Variants in MARCHF7 observed in about 807,000 individuals in gnomAD.
MARCHF7 encodes the protein E3 ubiquitin-protein ligase MARCHF7.
MARCHF7 carries 20 observed loss-of-function variants against 76.5 expected under a neutral mutation model. That is an observed-to-expected ratio of 0.26 (90% CI 0.18 to 0.38). The LOEUF (loss-of-function observed/expected upper bound fraction) is 0.38. MARCHF7 is among the 10% of genes least tolerant of loss of function. The pLI, the probability that MARCHF7 is intolerant of heterozygous loss-of-function variation, is 1.00. For missense variants in MARCHF7, 797 were observed against 812.9 expected, an observed-to-expected ratio of 0.98 and a Z score of 0.24; for synonymous variants, 295 against 293.0, an observed-to-expected ratio of 1.01 and a Z score of -0.07.
chr2:159,725,704 T>C (rs1343473281), intron 3 of MARCHF7, among the ~76,000 whole-genome samples: 1 of 152,212 alleles, frequency 6.6e-6, no homozygotes, highest in African/African-American at 2.4e-5. Flanking sequence ...TCTTAAAGTT[T>C]TGTTTTTATT....
chr2:159,735,317 A>T (rs528812502), intron 4 of MARCHF7, among the ~76,000 whole-genome samples: 80 of 152,366 alleles, frequency 5.3e-4, no homozygotes, highest in Non-Finnish European at 8.7e-4. Context: ...GCCAGTGGAT[A>T]ACATTGATGT....
intron 4 of MARCHF7, among the ~76,000 whole-genome samples, chr2:159,730,889 G>T (rs1702705490): frequency 6.6e-6 from 1 of 150,786 alleles, no homozygotes; most frequent in Non-Finnish European, 1.5e-5. Context: ...GTTTTTGATT[G>T]TTTGTTTGTT....
chr2:159,752,764 T>C (rs915562138), intron 8 of MARCHF7, among the ~76,000 whole-genome samples, 193 bp downstream of exon 8: 3 of 152,252 alleles, frequency 2.0e-5, no homozygotes, highest in African/African-American at 7.2e-5. Context: ...TTATGTTTCA[T>C]TTCCTACCAA....
At chr2:159,721,594 C>A (rs1202003971) in intron 3 of MARCHF7, among the ~76,000 whole-genome samples, 30 of 152,176 alleles carry the variant, frequency 2.0e-4, no homozygotes, top group Non-Finnish European at 2.9e-5. Context: ...AAATACCAAT[C>A]GTACGATTTT....
chr2:159,730,122 C>G (rs1401930936), intron 4 of MARCHF7, among the ~76,000 whole-genome samples: 2 of 152,146 alleles, frequency 1.3e-5, no homozygotes, highest in African/African-American at 4.8e-5. Flanking sequence ...AGACTGGTCT[C>G]AAACTCTGGC....
At chr2:159,746,739 C>G (rs917555193) in intron 6 of MARCHF7, among the ~76,000 whole-genome samples, 1 of 152,080 alleles carries the variant, frequency 6.6e-6, no homozygotes, top group African/African-American at 2.4e-5. Context: ...AACTATCATA[C>G]TAAGTAACTG....
intron 2 of MARCHF7, among the ~76,000 whole-genome samples, chr2:159,715,274 C>T (rs1201786695): frequency 7.5e-6 from 1 of 133,220 alleles, no homozygotes; most frequent in Non-Finnish European, 1.7e-5. Context: ...AAAAATTTAT[C>T]TTAATATACA....
At chr2:159,726,264 GTTTTGT>G (rs1702158259) in intron 3 of MARCHF7, among the ~76,000 whole-genome samples, 1 of 81,728 alleles carries the variant, frequency 1.2e-5, no homozygotes, top group Non-Finnish European at 2.6e-5. Context: ...GTTTTGTTTT[GTTTTGT>G]TTTGTTTTTT....
At chr2:159,726,229 GTTTT>G (rs1702152146) in intron 3 of MARCHF7, among the ~76,000 whole-genome samples, 1 of 25,722 alleles carries the variant, frequency 3.9e-5, no homozygotes, top group Non-Finnish European at 7.2e-5. Flanking sequence ...GTTTTGTTTT[GTTTT>G]GTTTTGTTTT....
At chr2:159,736,655 T>C (rs546565495) in intron 4 of MARCHF7, among the ~76,000 whole-genome samples, 6 of 152,244 alleles carry the variant, frequency 3.9e-5, no homozygotes, top group Non-Finnish European at 4.4e-5. Flanking sequence ...TATTGACTTA[T>C]ACAATAGTAA....
chr2:159,726,194 AGCTCTACTACT>A (rs1702139507), intron 3 of MARCHF7, among the ~76,000 whole-genome samples: 1 of 152,120 alleles, frequency 6.6e-6, no homozygotes, highest in South Asian at 2.1e-4. Context: ...AAGAATCTGA[AGCTCTACTACT>A]GCTCCAGATA....
rs1708040253 is a variant in MARCHF7, at chr2:159,768,922, T to C, written c.*1580T>C. 1 of 152,192 alleles carries C rather than the reference T, an allele frequency of 6.6e-6. No individual in the cohort carries two copies. Among genetic ancestry groups the C allele is most frequent in the African/African-American group, 2.4e-5 (1 of 41,454 alleles). The allele number at this position is 152,192 out of a possible 1,614,324, so 9.4% of individuals were successfully genotyped here. A position where few individuals can be genotyped will look rare whatever the true frequency, so the allele number is the denominator to read the frequency against. ...TACAAAACATTCATTGGTATGCACA[T>C]AATTCTGTATAGTTTTGTTATTAAA... On this transcript the variant is annotated 3_prime_UTR_variant, in exon 12 of 12. Transcript: ENST00000409175.
At chr2:159,759,736 G>A (rs982369600) in intron 9 of MARCHF7, among the ~76,000 whole-genome samples, 5 of 152,002 alleles carry the variant, frequency 3.3e-5, no homozygotes, top group Non-Finnish European at 7.4e-5. Context: ...TTGAAGTGTG[G>A]TTAGCATATT....
rs777668338 is a variant in MARCHF7 at position 159,748,273 on chromosome 2, GTAA to G, written c.985_987del (p.Asn329del). The stretch of plus-strand genomic sequence containing the variant: ...ATCTTGACAGCTTCACAGTCCCGTA[GTAA>G]TGTACCATCAGCTTCTGAAGTTCCC... On this transcript the variant is annotated inframe_deletion, in exon 7 of 12. Coordinates refer to ENST00000409175, the MANE Select transcript of MARCHF7 (RefSeq NM_001282805.2). 6.2e-7 allele frequency: 1 copy of G among 1,613,646 alleles called. No homozygotes were observed. Among genetic ancestry groups the G allele is most frequent in the African/African-American group, 1.3e-5 (1 of 75,032 alleles).
At chr2:159,745,682 A>G (rs958381446) in intron 5 of MARCHF7, 88 bp from the exon 6 acceptor site, 5 of 838,236 alleles carry the variant, frequency 6.0e-6, no homozygotes, top group African/African-American at 5.2e-5. Context: ...AATAAATAAC[A>G]CTAACTTTCC....
intron 10 of MARCHF7, among the ~76,000 whole-genome samples, chr2:159,764,212 TTGTGTGTG>T (rs377705664): frequency 0.025 from 3,430 of 138,604 alleles, 55 homozygotes; most frequent in Non-Finnish European, 0.033. Flanking sequence ...CTTGGGAGTT[TTGTGTGTG>T]TGTGTGTGTG....
Position 159,739,669 on chromosome 2 carries a change from A to G in MARCHF7, c.154-3392A>G, listed in dbSNP as rs79282577. On this transcript the variant is annotated intron_variant, in intron 4 of 11. Coordinates refer to ENST00000409175, the MANE Select transcript of MARCHF7 (RefSeq NM_001282805.2). ...CAAAGAATTCCGAGGGAAAAAAACA[A>G]TTGCTTCAGACTGAGGATATTTGAA... Among the ~76,000 whole-genome samples, 1,132 of 152,294 alleles carry G rather than the reference A, an allele frequency of 7.4e-3. 8 individuals are homozygous for G. The highest frequency in any genetic ancestry group is 0.025 in the African/African-American group (1,044 of 41,540).
chr2:159,743,558 C>T (rs1704404033), intron 5 of MARCHF7, among the ~76,000 whole-genome samples: 1 of 152,020 alleles, frequency 6.6e-6, no homozygotes, highest in African/African-American at 2.4e-5. Context: ...GTAATTGTTA[C>T]AAGGAAAGCT....
chr2:159,746,671 G>A (rs977478361), intron 6 of MARCHF7, among the ~76,000 whole-genome samples: 1 of 152,192 alleles, frequency 6.6e-6, no homozygotes, highest in Non-Finnish European at 1.5e-5. Flanking sequence ...AAAGTGTTGA[G>A]ATTACAGGTA....
Sources: gnomAD v4.1 joint callset for allele counts (sites outside exome capture counted in the v4.1 genomes callset) on GRCh38, gnomAD v4.1.1 for gene constraint, MANE v1.5 for transcripts, NCBI Gene and HGNC (gene_info 2026-07-23, HGNC 2026-07-21) for gene names.